Variants in TEAD4 observed in about 807,000 individuals in gnomAD.
TEAD4 encodes the protein transcriptional enhancer factor TEF-3.
TEAD4 carries 36 observed loss-of-function variants against 52.4 expected under a neutral mutation model. The observed-to-expected ratio is 0.69, with a 90% confidence interval of 0.53 to 0.91. The LOEUF (loss-of-function observed/expected upper bound fraction) is 0.91, where lower values mean the gene tolerates loss of function less well. Ranked by LOEUF, TEAD4 falls within the 40% of genes least tolerant of loss-of-function variation. The pLI is 0.00. For missense variants in TEAD4, 508 were observed against 583.9 expected (o/e 0.87, Z 1.34); for synonymous variants, 220 against 231.0 (o/e 0.95, Z 0.43).
rs570171101 is a variant in TEAD4, at chr12:2,975,640, G to A, written c.-30+15600G>A. On this transcript the variant is annotated intron_variant, in intron 2 of 12. Transcript: ENST00000359864. Reference sequence around the variant, plus strand: ...TGACCTCAGGTGATCTGCCCACCTCGGCCTCCCAAAGTGCTGGGATTACAG... The same window carrying A: ...TGACCTCAGGTGATCTGCCCACCTCAGCCTCCCAAAGTGCTGGGATTACAG... 3.3e-5 allele frequency among the ~76,000 whole-genome samples: 5 copies of A among 152,028 alleles called. No individual in the cohort carries two copies. In the East Asian group the frequency reaches 5.8e-4, roughly 18 times the overall value.
At chr12:2,974,042 CTG>C (rs2098227418) in intron 2 of TEAD4, among the ~76,000 whole-genome samples, 1 of 152,182 alleles carries the variant, frequency 6.6e-6, no homozygotes, top group Admixed American at 6.5e-5. Context: ...GAGTCTCACT[CTG>C]TCGCCCAGAC....
intron 5 of TEAD4, among the ~76,000 whole-genome samples, chr12:3,015,894 CA>C (rs1443673230): frequency 7.2e-5 from 11 of 151,956 alleles, no homozygotes; most frequent in African/African-American, 2.7e-4. Flanking sequence ...AAAAAAAATT[CA>C]TGGGTGGGGG....
chr12:2,972,806 C>T (rs1160391561), intron 2 of TEAD4, among the ~76,000 whole-genome samples: 1 of 152,104 alleles, frequency 6.6e-6, no homozygotes, highest in East Asian at 1.9e-4. Context: ...TGTAGAAAAA[C>T]ATCTCATCCT....
intron 2 of TEAD4, among the ~76,000 whole-genome samples, chr12:2,992,673 G>C (rs566233049): frequency 2.0e-5 from 3 of 152,120 alleles, no homozygotes; most frequent in Admixed American, 1.3e-4. Context: ...CAAGGCTAGT[G>C]GGGGAGAAGG....
At chr12:3,018,451 G>A (rs1447925459) in intron 6 of TEAD4, 94 bp from the exon 7 acceptor site, 1 of 1,476,612 alleles carries the variant, frequency 6.8e-7, no homozygotes, top group Non-Finnish European at 9.4e-7. Flanking sequence ...TCTCCTCCCA[G>A]TGGAGGCCCT....
At chr12:2,993,108 T>C (rs1781549283) in intron 2 of TEAD4, among the ~76,000 whole-genome samples, 1 of 152,176 alleles carries the variant, frequency 6.6e-6, no homozygotes, top group African/African-American at 2.4e-5. Context: ...AAATTTTTCA[T>C]TGTGGTAAAA....
At chr12:2,986,408 C>T (rs375543231) in intron 2 of TEAD4, among the ~76,000 whole-genome samples, 62 of 152,012 alleles carry the variant, frequency 4.1e-4, no homozygotes, top group Middle Eastern at 3.4e-3. Context: ...GAGGTTGAGA[C>T]GGGCCAATCA....
At chr12:3,035,989 C>A (rs74632119) in intron 10 of TEAD4, among the ~76,000 whole-genome samples, 1 of 152,156 alleles carries the variant, frequency 6.6e-6, no homozygotes, top group Non-Finnish European at 1.5e-5. Flanking sequence ...CCTGGGCACC[C>A]TGCCTACAAT....
chr12:3,025,220 G>A (rs2098271344), intron 10 of TEAD4, among the ~76,000 whole-genome samples: 2 of 152,216 alleles, frequency 1.3e-5, no homozygotes, highest in Non-Finnish European at 2.9e-5. Context: ...GGGATTACAG[G>A]TGTGAGCCAC....
chr12:3,034,961 C>T (rs980879246), intron 10 of TEAD4, among the ~76,000 whole-genome samples: 6 of 151,744 alleles, frequency 4.0e-5, no homozygotes, highest in African/African-American at 9.7e-5. Flanking sequence ...ACTAGCCGAG[C>T]GTGGTGGTGG....
chr12:3,019,242 C>T, intron 8 of TEAD4, 72 bp downstream of exon 8: 1 of 1,560,536 alleles, frequency 6.4e-7, no homozygotes, highest in Non-Finnish European at 8.8e-7. Context: ...AGGCCCCCGG[C>T]AGCCGAACGC....
At chr12:3,002,382 C>G (rs754616284) in intron 3 of TEAD4, among the ~76,000 whole-genome samples, 1 of 152,172 alleles carries the variant, frequency 6.6e-6, no homozygotes, top group Non-Finnish European at 1.5e-5. Context: ...ATTGGAATTG[C>G]TAGCTCATGT....
intron 10 of TEAD4, among the ~76,000 whole-genome samples, chr12:3,029,906 C>CTA (rs1217231565): frequency 3.9e-5 from 6 of 152,212 alleles, no homozygotes; most frequent in Admixed American, 3.9e-4. Flanking sequence ...TGTGTGTTTA[C>CTA]TGGACTTTTT....
chr12:2,975,015 T>G (rs1456702181), intron 2 of TEAD4, among the ~76,000 whole-genome samples: 1 of 152,142 alleles, frequency 6.6e-6, no homozygotes, highest in African/African-American at 2.4e-5. Context: ...TACTTTTGCC[T>G]CTCAAGTACT....
chr12:3,018,635 A>G (rs1385014551), intron 7 of TEAD4, 47 bp downstream of exon 7: 1 of 1,612,678 alleles, frequency 6.2e-7, no homozygotes. Context: ...CCTGAACTGA[A>G]CTTGAACCCA....
rs368189547 is a variant in TEAD4, at chr12:2,995,011, T to C, written c.226+19T>C. 5.6e-6 allele frequency: 9 copies of C among 1,609,894 alleles called. No homozygotes were observed. The highest frequency in any genetic ancestry group is 7.6e-6 in the Non-Finnish European group (9 of 1,177,794). The stretch of plus-strand genomic sequence containing the variant: ...ATGTATGGTAAGGAGCCCGTCGGGT[T>C]CAGCCCTGTACCTGAGGCTGAGGCA... On this transcript the variant is annotated intron_variant, in intron 3 of 12. Coordinates refer to ENST00000359864, the MANE Select transcript of TEAD4 (RefSeq NM_003213.4).
intron 2 of TEAD4, among the ~76,000 whole-genome samples, chr12:2,962,301 AATATAAAT>A (rs1555118306): frequency 1.0e-4 from 3 of 29,574 alleles, no homozygotes; most frequent in South Asian, 1.1e-3. Flanking sequence ...TATATATATA[AATATAAAT>A]ATATAAATAT....
At chr12:3,000,541 C>G (rs1380695479) in intron 3 of TEAD4, among the ~76,000 whole-genome samples, 1 of 152,130 alleles carries the variant, frequency 6.6e-6, no homozygotes, top group Non-Finnish European at 1.5e-5. Context: ...ATTAATCCAT[C>G]GTGAAGGCAG....
At chr12:3,001,543 G>A (rs1426381605) in intron 3 of TEAD4, among the ~76,000 whole-genome samples, 10 of 152,144 alleles carry the variant, frequency 6.6e-5, no homozygotes, top group Non-Finnish European at 1.2e-4. Context: ...AGGCCGAGGC[G>A]GGTGAATCAA....
Sources: allele counts gnomAD v4.1 joint callset (sites outside exome capture counted in the v4.1 genomes callset), GRCh38; gene constraint gnomAD v4.1.1; transcripts MANE v1.5; gene names NCBI Gene and HGNC (gene_info 2026-07-23, HGNC 2026-07-21).